ASH1L: variants seen among roughly 807,000 people sequenced by gnomAD.
ASH1L encodes the protein ASH1 like histone lysine methyltransferase, also known as histone-lysine N-methyltransferase ASH1L.
Under a neutral mutation model 269.0 loss-of-function variants are expected in ASH1L, and 23 were observed. The ratio of observed to expected loss-of-function variants is 0.09; its 90% CI spans 0.06 to 0.12. The LOEUF is 0.12. ASH1L is among the 10% of genes least tolerant of loss of function. The pLI is 1.00. For missense variants in ASH1L, 2,912 were observed against 3,567.8 expected, an observed-to-expected ratio of 0.82 and a Z score of 4.68; for synonymous variants, 1,187 against 1,253.5, an observed-to-expected ratio of 0.95 and a Z score of 1.12.
At chr1:155,542,221 C>A (rs1670471471) in intron 1 of ASH1L, among the ~76,000 whole-genome samples, 1 of 152,086 alleles carries the variant, frequency 6.6e-6, no homozygotes, top group South Asian at 2.1e-4. Flanking sequence ...GAAGAAAGTT[C>A]AAGTTGTATC....
chr1:155,443,706 T>C (rs1378176929), intron 4 of ASH1L, among the ~76,000 whole-genome samples: 1 of 152,218 alleles, frequency 6.6e-6, no homozygotes, highest in African/African-American at 2.4e-5. Context: ...ATGTATTTTA[T>C]TGTACGGCTT....
intron 19 of ASH1L, among the ~76,000 whole-genome samples, chr1:155,349,051 C>A (rs899420592): frequency 1.3e-5 from 2 of 151,656 alleles, no homozygotes; most frequent in Non-Finnish European, 2.9e-5. Flanking sequence ...ATCTATATAA[C>A]GCAGTCATAA....
At chr1:155,449,412 G>C (rs990982726) in intron 4 of ASH1L, among the ~76,000 whole-genome samples, 2 of 152,060 alleles carry the variant, frequency 1.3e-5, no homozygotes, top group South Asian at 4.1e-4. Flanking sequence ...AATATATTCT[G>C]CATGAGTTTA....
At chr1:155,381,536 C>A (rs58777334) in intron 7 of ASH1L, among the ~76,000 whole-genome samples, 4 of 148,520 alleles carry the variant, frequency 2.7e-5, no homozygotes, top group African/African-American at 7.5e-5. Context: ...GACAATAGTG[C>A]GAGACTCCGT....
rs188899180 is a variant in ASH1L at position 155,509,694 on chromosome 1, G to A, written c.420+11406C>T. Among the ~76,000 whole-genome samples the A allele has an allele frequency of 2.0e-3, 309 of 152,230 alleles. 5 individuals are homozygous for A. Among genetic ancestry groups the A allele is most frequent in the Non-Finnish European group, 2.4e-4 (16 of 68,028 alleles). On this transcript the variant is annotated intron_variant, in intron 2 of 27. Coordinates refer to ENST00000392403, the MANE Select transcript of ASH1L (RefSeq NM_018489.3). ...TGTGTCTCTAATCCCAGCTACTCAG[G>A]AGGCTGAGGCAGAAGAACTGCTTGA...
At chr1:155,459,453 C>T (rs754488717) in intron 4 of ASH1L, among the ~76,000 whole-genome samples, 34 of 152,324 alleles carry the variant, frequency 2.2e-4, no homozygotes, top group Non-Finnish European at 4.7e-4. Flanking sequence ...ACCTCAGCCT[C>T]CCAAAGTGCT....
At chr1:155,547,193 T>A (rs1346287300) in intron 1 of ASH1L, among the ~76,000 whole-genome samples, 1 of 151,502 alleles carries the variant, frequency 6.6e-6, no homozygotes, top group Non-Finnish European at 1.5e-5. Flanking sequence ...CCTCGTGATC[T>A]GCCCGCCTTG....
rs111587963 is a variant in ASH1L, at chr1:155,421,227, T to C, written c.5829-5304A>G. Among the ~76,000 whole-genome samples, 692 of 123,182 alleles carry C rather than the reference T, an allele frequency of 5.6e-3. 5 individuals are homozygous for C. Among genetic ancestry groups the C allele is most frequent in the African/African-American group, 0.021 (671 of 32,092 alleles). 80.8% of individuals were successfully genotyped at this position (123,182 alleles called of 152,430 possible). ...CTGGGCAACAGAGGAAGATTCTGTG[T>C]CTTAAAAAAAAAAAAAAAAAAAAAA... On this transcript the variant is annotated intron_variant, in intron 5 of 27. Transcript: ENST00000392403.
intron 5 of ASH1L, among the ~76,000 whole-genome samples, chr1:155,430,131 A>G (rs937961764): frequency 2.0e-5 from 3 of 151,926 alleles, no homozygotes; most frequent in Non-Finnish European, 4.4e-5. Flanking sequence ...ATGCGCCACC[A>G]CACTTGGCTG....
chr1:155,417,348 T>C (rs1270217019), intron 5 of ASH1L, among the ~76,000 whole-genome samples: 2 of 152,062 alleles, frequency 1.3e-5, no homozygotes, highest in Non-Finnish European at 2.9e-5. Flanking sequence ...CTGAGATAGC[T>C]GGAATTTGTG....
At chr1:155,494,215 A>G (rs1270600718) in intron 2 of ASH1L, among the ~76,000 whole-genome samples, 6 of 152,208 alleles carry the variant, frequency 3.9e-5, no homozygotes, top group Non-Finnish European at 5.9e-5. Flanking sequence ...GGTATGTGGG[A>G]AAAAACAGGA....
chr1:155,517,823 C>T (rs1247771903), intron 2 of ASH1L, among the ~76,000 whole-genome samples: 5 of 84,374 alleles, frequency 5.9e-5, no homozygotes, highest in Non-Finnish European at 8.3e-5. Context: ...TTTTTTGAGA[C>T]GGAGTCTCGC....
intron 25 of ASH1L, among the ~76,000 whole-genome samples, chr1:155,341,603 G>C (rs964414831): frequency 6.6e-6 from 1 of 152,122 alleles, no homozygotes; most frequent in African/African-American, 2.4e-5. Flanking sequence ...GGAAAAAAAG[G>C]AGTTTTTCAG....
chr1:155,494,322 T>C (rs1558164984), intron 2 of ASH1L, among the ~76,000 whole-genome samples: 1 of 152,094 alleles, frequency 6.6e-6, no homozygotes, highest in Admixed American at 6.5e-5. Flanking sequence ...AGAAGAGTAA[T>C]GTTGCAGGTG....
chr1:155,344,108 G>C, intron 22 of ASH1L, 75 bp downstream of exon 22: 1 of 1,301,366 alleles, frequency 7.7e-7, no homozygotes, highest in Non-Finnish European at 1.1e-6. Context: ...CAATGACTAT[G>C]ATGGAGACAG....
At chr1:155,472,762 C>T (rs1665200802) in intron 3 of ASH1L, among the ~76,000 whole-genome samples, 1 of 152,172 alleles carries the variant, frequency 6.6e-6, no homozygotes, top group Non-Finnish European at 1.5e-5. Context: ...TTCTGAGAAG[C>T]AGAATTCCAC....
intron 5 of ASH1L, among the ~76,000 whole-genome samples, chr1:155,422,799 G>A (rs923900362): frequency 5.9e-5 from 9 of 151,294 alleles, no homozygotes; most frequent in East Asian, 2.0e-4. Flanking sequence ...ACAGGCACCC[G>A]CTACCACGCC....
intron 2 of ASH1L, among the ~76,000 whole-genome samples, chr1:155,486,385 A>C (rs780823249): frequency 7.9e-5 from 12 of 152,172 alleles, no homozygotes; most frequent in Non-Finnish European, 1.8e-4. Flanking sequence ...ACATTATATT[A>C]AAGAATCCCG....
chr1:155,437,489 G>GT (rs1662197577), intron 5 of ASH1L, among the ~76,000 whole-genome samples: 2 of 152,148 alleles, frequency 1.3e-5, no homozygotes, highest in Admixed American at 1.3e-4. Context: ...CTTGTGCATT[G>GT]TAACTGAAAT....
Sources: gnomAD v4.1 joint callset for allele counts (sites outside exome capture counted in the v4.1 genomes callset) on GRCh38, gnomAD v4.1.1 for gene constraint, MANE v1.5 for transcripts, NCBI Gene and HGNC (gene_info 2026-07-23, HGNC 2026-07-21) for gene names.